UPK1A: variants seen among roughly 807,000 people sequenced by gnomAD.
UPK1A encodes uroplakin 1A, also known as uroplakin-1a.
UPK1A carries 31 observed loss-of-function variants against 32.3 expected under a neutral mutation model. The observed-to-expected ratio is 0.96, with a 90% confidence interval of 0.72 to 1.30. The LOEUF (loss-of-function observed/expected upper bound fraction) is 1.30, where lower values mean the gene tolerates loss of function less well. UPK1A is among the 50% of genes most tolerant of loss of function. The pLI is 0.00. For synonymous variants in UPK1A, 135 were observed against 137.1 expected (o/e 0.98, Z 0.11); for missense variants, 340 against 357.4 (o/e 0.95, Z 0.39).
intron 5 of UPK1A, among the ~76,000 whole-genome samples, chr19:35,675,275 ATATTT>A (rs1244638506): frequency 2.6e-5 from 4 of 152,006 alleles, no homozygotes; most frequent in Admixed American, 2.6e-4. Context: ...GTTGATAAAA[ATATTT>A]TATTTTATTT....
rs551661662 is a variant in UPK1A at position 35,677,415 on chromosome 19, A to C, written c.649-397A>C. On this transcript the variant is annotated intron_variant, in intron 6 of 7. Transcript: ENST00000617999. The stretch of plus-strand genomic sequence containing the variant: ...GTGGTGCACACCTGTAATCCCAGCT[A>C]CTCAGGAGGCTGAGGCAGGAGAATT... 3.9e-5 allele frequency among the ~76,000 whole-genome samples: 6 copies of C among 151,972 alleles called. No homozygotes were observed. In the South Asian group the frequency reaches 1.2e-3, roughly 32 times the overall value.
At position 35,674,867 on chromosome 19, in the gene UPK1A, C is replaced by G. The variant is rs1968157701; in HGVS notation, c.469-973C>G. ...GACCATCCTGGCCAACATGGTGAAA[C>G]CCTGTCTCTACAAAAAATACAAAAA... On this transcript the variant is annotated intron_variant, in intron 5 of 7. Coordinates refer to ENST00000617999, the Ensembl canonical transcript of UPK1A. 2.6e-5 allele frequency among the ~76,000 whole-genome samples: 4 copies of G among 151,966 alleles called. No homozygotes were observed. In the South Asian group the frequency reaches 8.3e-4, roughly 32 times the overall value.
chr19:35,671,386 C>CAAAAA (rs370178140), intron 3 of UPK1A, among the ~76,000 whole-genome samples: 4 of 88,696 alleles, frequency 4.5e-5, no homozygotes, highest in South Asian at 4.0e-4. Flanking sequence ...GACTCTGTCT[C>CAAAAA]AAAAAAAAAA....
chr19:35,668,720 A>G (rs945348350), intron 3 of UPK1A, 66 bp downstream of exon 3: 48 of 1,494,788 alleles, frequency 3.2e-5, no homozygotes, highest in Non-Finnish European at 4.0e-5. Flanking sequence ...GAGTCATAGT[A>G]GCAGGTGCAG....
At position 35,677,909 on chromosome 19, in the gene UPK1A, A is replaced by C. The variant is rs368744677; in HGVS notation, c.732+14A>C. ...CTGATGTGGACGGTGAGAGGCGGGG[A>C]GCCCACAGGCTGGGTGGGCTGGGGG... is the stretch of plus-strand genomic sequence containing the variant. On this transcript the variant is annotated intron_variant, in intron 7 of 7. Coordinates refer to ENST00000617999, the Ensembl canonical transcript of UPK1A. The C allele has an allele frequency of 1.0e-5, 16 of 1,569,838 alleles. No individual in the cohort carries two copies. Among genetic ancestry groups the C allele is most frequent in the Non-Finnish European group, 1.4e-5 (16 of 1,148,922 alleles).
exon 8 of UPK1A, chr19:35,678,185 G>T (rs1599634325): frequency 1.2e-6 from 1 of 854,282 alleles, no homozygotes; most frequent in Non-Finnish European, 1.7e-6. Flanking sequence ...GCCCTACTGT[G>T]TCTCAGGTGT....
In UPK1A at chr19:35,678,278, A is replaced by G. The variant is rs985286616; in HGVS notation, c.*259A>G. The G allele has an allele frequency of 1.1e-4, 45 of 395,466 alleles. No homozygotes were observed. The Admixed American group carries it at 1.5e-3, about 13-fold the overall frequency. 24.5% of individuals were successfully genotyped at this position (395,466 alleles called of 1,614,324 possible). A position where few individuals can be genotyped will look rare whatever the true frequency, so the allele number is the denominator to read the frequency against. ...CTCCATGATCCCACCTCCCATTCAC[A>G]GATACCTCTCTTGTAGCTCTCTGAC... is the stretch of plus-strand genomic sequence containing the variant. On this transcript the variant is annotated 3_prime_UTR_variant, in exon 8 of 8. Transcript: ENST00000617999.
chr19:35,677,891 G>A lies in UPK1A; in HGVS notation c.728G>A (p.Trp243Ter). 6 of 1,611,944 alleles carry A rather than the reference G, an allele frequency of 3.7e-6. No homozygotes were observed. The highest frequency in any genetic ancestry group is 5.1e-6 in the Non-Finnish European group (6 of 1,179,916). Residue 243 changes from tryptophan to a stop codon, truncating the protein, a stop_gained, in exon 7 of 8, where the codon TGG (tryptophan) becomes TAG (stop). Coordinates refer to ENST00000617999, the Ensembl canonical transcript of UPK1A. LOFTEE classifies it high-confidence loss of function. ...TGGTTTGGGTTTGCCATCCTGATGT[G>A]GACGGTGAGAGGCGGGGAGCCCACA...
At chr19:35,670,115 A>T (rs1968063593) in intron 3 of UPK1A, among the ~76,000 whole-genome samples, 1 of 152,198 alleles carries the variant, frequency 6.6e-6, no homozygotes. Flanking sequence ...GGAGCGAGGC[A>T]GGTGTGTAAC....
At chr19:35,669,546 C>G (rs930130565) in intron 3 of UPK1A, among the ~76,000 whole-genome samples, 1 of 151,904 alleles carries the variant, frequency 6.6e-6, no homozygotes. Context: ...TGGCAGGCAC[C>G]TGTAATCCCC....
exon 8 of UPK1A, chr19:35,678,145 C>T (rs1400783711): frequency 1.6e-6 from 2 of 1,217,286 alleles, no homozygotes; most frequent in Admixed American, 2.9e-5. Context: ...TACGTCCTTC[C>T]ACTTCCAAGA....
chr19:35,677,051 G>A (rs983841829), intron 6 of UPK1A, among the ~76,000 whole-genome samples: 17 of 151,446 alleles, frequency 1.1e-4, no homozygotes, highest in African/African-American at 3.1e-4. Context: ...TCAAGACCCC[G>A]TCTCTACAAA....
chr19:35,677,011 C>T (rs1968191310), intron 6 of UPK1A, among the ~76,000 whole-genome samples: 1 of 151,712 alleles, frequency 6.6e-6, no homozygotes, highest in Non-Finnish European at 1.5e-5. Context: ...CACTTGAGGT[C>T]AGAAGCTCAA....
chr19:35,666,859 T>C (rs1311468025), exon 2 of UPK1A: 1 of 1,613,938 alleles, frequency 6.2e-7, no homozygotes, highest in South Asian at 1.1e-5. Flanking sequence ...TCTCCAGTTG[T>C]GGTGGGCCTG....
Position 35,673,726 on chromosome 19 carries a change from G to A in UPK1A, c.468+181G>A, listed in dbSNP as rs540586896. Among the ~76,000 whole-genome samples the A allele has an allele frequency of 2.6e-5, 4 of 152,214 alleles. No individual in the cohort carries two copies. The South Asian group carries it at 6.2e-4, about 24-fold the overall frequency. On this transcript the variant is annotated intron_variant, in intron 5 of 7. Coordinates refer to ENST00000617999, the Ensembl canonical transcript of UPK1A. ...CGGATGAGTAAACAGGCCCAGAAAG[G>A]GAAAGTCCCTTGCCCGAGGCCACAC...
chr19:35,667,499 A>AT lies in UPK1A; in HGVS notation c.84+615dup, dbSNP rs71857838. Among the ~76,000 whole-genome samples, 185 of 143,234 alleles carry AT rather than the reference A, an allele frequency of 1.3e-3. 2 individuals carry two copies. Among genetic ancestry groups the AT allele is most frequent in the Middle Eastern group, 3.7e-3 (1 of 270 alleles). 94.0% of individuals were successfully genotyped at this position (143,234 alleles called of 152,430 possible). A position where few individuals can be genotyped will look rare whatever the true frequency, so the allele number is the denominator to read the frequency against. ...AGGCGCACACCACCACGCCCGGCTA[A>AT]TTTTTTTTTTTTCAGACAGATTCTC... On this transcript the variant is annotated intron_variant, in intron 2 of 7. Coordinates refer to ENST00000617999, the Ensembl canonical transcript of UPK1A.
At chr19:35,676,623 G>T (rs1336737054) in intron 6 of UPK1A, among the ~76,000 whole-genome samples, 2 of 151,940 alleles carry the variant, frequency 1.3e-5, no homozygotes, top group African/African-American at 4.8e-5. Flanking sequence ...ATAGGGCCGG[G>T]CGCGATGGCT....
intron 2 of UPK1A, chr19:35,668,228 C>T (rs543379508): frequency 4.6e-5 from 28 of 603,582 alleles, no homozygotes; most frequent in Admixed American, 2.0e-4. Flanking sequence ...CTTTTATCCC[C>T]GAAGAAACTG....
chr19:35,673,384 G>A, intron 4 of UPK1A, 54 bp from the exon 5 acceptor site: 2 of 1,609,988 alleles, frequency 1.2e-6, no homozygotes, highest in African/African-American at 1.3e-5. Context: ...GGCGGAGGTC[G>A]TCCTCTCTCC....
Sources: gnomAD v4.1 joint callset for allele counts (sites outside exome capture counted in the v4.1 genomes callset) on GRCh38, gnomAD v4.1.1 for gene constraint, MANE v1.5 for transcripts, NCBI Gene and HGNC (gene_info 2026-07-23, HGNC 2026-07-21) for gene names.